SENP1: variants seen among roughly 807,000 people sequenced by gnomAD.
SENP1 encodes SUMO specific peptidase 1.
Under a neutral mutation model 93.0 loss-of-function variants are expected in SENP1, and 21 were observed. The observed-to-expected ratio is 0.23, with a 90% CI of 0.16 to 0.33. SENP1 has a LOEUF of 0.33. Ranked by LOEUF, SENP1 falls within the 10% of genes least tolerant of loss-of-function variation. The probability of loss-of-function intolerance (pLI) is 1.00; values close to 1 mark genes in which losing one functional copy is unlikely to be tolerated. For missense variants in SENP1, 591 were observed against 758.7 expected, an observed-to-expected ratio of 0.78 and a Z score of 2.60; for synonymous variants, 256 against 259.6, an observed-to-expected ratio of 0.99 and a Z score of 0.13.
At chr12:48,094,537 G>T (rs906351980) in intron 4 of SENP1, among the ~76,000 whole-genome samples, 3 of 151,636 alleles carry the variant, frequency 2.0e-5, no homozygotes, top group Non-Finnish European at 4.4e-5. Flanking sequence ...AAAATTAGCC[G>T]GGCATGGTGG....
At chr12:48,047,376 T>A (rs981121791) in intron 15 of SENP1, among the ~76,000 whole-genome samples, 4 of 152,222 alleles carry the variant, frequency 2.6e-5, no homozygotes, top group African/African-American at 9.6e-5. Flanking sequence ...TTTCCTTGGT[T>A]TATATGGTCC....
intron 13 of SENP1, among the ~76,000 whole-genome samples, chr12:48,058,888 T>C (rs913209850): frequency 6.6e-6 from 1 of 152,222 alleles, no homozygotes. Flanking sequence ...AAAGATATAT[T>C]TGCTGGGTAT....
At position 48,046,501 on chromosome 12, in the gene SENP1, T is replaced by C. The variant is rs1486538213; in HGVS notation, c.1777-50A>G. On this transcript the variant is annotated intron_variant, in intron 16 of 17. Transcript: ENST00000549518. Reference sequence around the variant, plus strand: ...TGACATCTTTCCAAGCTTCTTTCCTTCTTAGATTAAAAATAAGAACCAAAA... The same window carrying C: ...TGACATCTTTCCAAGCTTCTTTCCTCCTTAGATTAAAAATAAGAACCAAAA... 4 of 1,263,958 alleles carry C rather than the reference T, an allele frequency of 3.2e-6. No homozygotes were observed. In the African/African-American group the frequency reaches 4.4e-5, roughly 14 times the overall value. 78.3% of individuals were successfully genotyped at this position (1,263,958 alleles called of 1,614,324 possible). A position where few individuals can be genotyped will look rare whatever the true frequency, so the allele number is the denominator to read the frequency against.
At chr12:48,071,594 C>T in intron 9 of SENP1, 73 bp downstream of exon 9, 1 of 1,082,594 alleles carries the variant, frequency 9.2e-7, no homozygotes, top group Non-Finnish European at 1.4e-6. Flanking sequence ...CCAGCCTGGG[C>T]AACAGAGCGA....
chr12:48,068,003 G>A (rs954984875), intron 9 of SENP1, among the ~76,000 whole-genome samples: 1 of 152,030 alleles, frequency 6.6e-6, no homozygotes, highest in African/African-American at 2.4e-5. Flanking sequence ...TGGGATTACA[G>A]GCACCCGCCA....
chr12:48,052,286 T>C (rs1941878805), intron 13 of SENP1, among the ~76,000 whole-genome samples: 1 of 152,258 alleles, frequency 6.6e-6, no homozygotes, highest in South Asian at 2.1e-4. Context: ...CTCATGTTTT[T>C]AGAAATAAAA....
chr12:48,048,874 G>T, intron 14 of SENP1, 55 bp downstream of exon 14: 1 of 1,335,806 alleles, frequency 7.5e-7, no homozygotes, highest in Non-Finnish European at 1.1e-6. Context: ...TACCCTCTGT[G>T]TGTTCTATAA....
chr12:48,098,228 G>A, intron 2 of SENP1, 104 bp from the exon 3 acceptor site: 1 of 1,181,278 alleles, frequency 8.5e-7, no homozygotes, highest in Non-Finnish European at 1.2e-6. Context: ...ACCCAGGCAT[G>A]GTGTCTCATG....
chr12:48,084,341 A>AT (rs1340392273), intron 5 of SENP1, among the ~76,000 whole-genome samples: 3 of 151,988 alleles, frequency 2.0e-5, no homozygotes, highest in Non-Finnish European at 2.9e-5. Context: ...CCTCTGAAGA[A>AT]TTTTTTGTCT....
In SENP1 at chr12:48,090,760, C is replaced by T. The variant is rs538678141; in HGVS notation, c.221-1800G>A. ...CACAGGTGCATACCATCATACATGC[C>T]TAATTTTTCTATTGTTTTGGAGAGG... On this transcript the variant is annotated intron_variant, in intron 4 of 17. Coordinates refer to ENST00000549518, the MANE Select transcript of SENP1 (RefSeq NM_001267594.2). Among the ~76,000 whole-genome samples, 95 of 152,180 alleles carry T rather than the reference C, an allele frequency of 6.2e-4. 1 individual carries two copies. Among genetic ancestry groups the T allele is most frequent in the African/African-American group, 2.2e-3 (92 of 41,526 alleles).
rs1360833118 is a variant in SENP1, at chr12:48,061,047, T to C, written c.1407+2663A>G. On this transcript the variant is annotated intron_variant, in intron 13 of 17. Transcript: ENST00000549518. Reference sequence around the variant, plus strand: ...TAAAACCTACTGTATGAATAGGTACTGTGGTCACTCTTCTTTTAGGAACAG... The same window carrying C: ...TAAAACCTACTGTATGAATAGGTACCGTGGTCACTCTTCTTTTAGGAACAG... Among the ~76,000 whole-genome samples, 4 of 152,234 alleles carry C rather than the reference T, an allele frequency of 2.6e-5. No homozygotes were observed. In the East Asian group the frequency reaches 7.7e-4, roughly 29 times the overall value.
intron 13 of SENP1, chr12:48,054,843 A>G (rs1169513662): frequency 1.3e-5 from 2 of 152,216 alleles, no homozygotes; most frequent in Non-Finnish European, 2.9e-5. Context: ...CCAATCTGAC[A>G]ATCTCTGCCT....
intron 1 of SENP1, chr12:48,105,374 C>G (rs1946435716): frequency 1.9e-6 from 1 of 518,796 alleles, no homozygotes; most frequent in Non-Finnish European, 3.8e-6. Flanking sequence ...TAGGGTACAC[C>G]AAGAAAGAGA....
intron 13 of SENP1, among the ~76,000 whole-genome samples, chr12:48,062,210 C>T (rs1943003153): frequency 6.6e-6 from 1 of 152,130 alleles, no homozygotes; most frequent in Non-Finnish European, 1.5e-5. Flanking sequence ...AGCCTACTAT[C>T]CCTTTAGAGT....
chr12:48,104,249 AG>A, intron 1 of SENP1, among the ~76,000 whole-genome samples: 2 of 5,990 alleles, frequency 3.3e-4, no homozygotes, highest in African/African-American at 1.3e-3. Context: ...AGAGAGAGAG[AG>A]AGAGACGGGG....
chr12:48,085,266 T>C, intron 5 of SENP1: 1 of 1,553,698 alleles, frequency 6.4e-7, no homozygotes, highest in Non-Finnish European at 8.9e-7. Flanking sequence ...CATCAACCAG[T>C]ACATCGCAGA....
At chr12:48,090,348 G>A (rs932174487) in intron 4 of SENP1, among the ~76,000 whole-genome samples, 3 of 152,190 alleles carry the variant, frequency 2.0e-5, no homozygotes, top group South Asian at 2.1e-4. Flanking sequence ...CTGAGGCATC[G>A]GTCTGTCAAA....
At chr12:48,076,246 A>G (rs776080869) in intron 6 of SENP1, among the ~76,000 whole-genome samples, 9 of 152,352 alleles carry the variant, frequency 5.9e-5, no homozygotes, top group Middle Eastern at 3.4e-3. Context: ...TCGTACTGTG[A>G]TATTTCGATA....
chr12:48,058,520 CTA>C (rs1942741414), intron 13 of SENP1, among the ~76,000 whole-genome samples: 2 of 151,942 alleles, frequency 1.3e-5, no homozygotes, highest in African/African-American at 2.4e-5. Flanking sequence ...TGTGGTTACT[CTA>C]TGATTTACTA....
Sources: allele counts gnomAD v4.1 joint callset (sites outside exome capture counted in the v4.1 genomes callset), GRCh38; gene constraint gnomAD v4.1.1; transcripts MANE v1.5; gene names NCBI Gene and HGNC (gene_info 2026-07-23, HGNC 2026-07-21).